SCAPER: variants seen among roughly 807,000 people sequenced by gnomAD.
The protein encoded by SCAPER is S phase cyclin A-associated protein in the endoplasmic reticulum.
A neutral mutation model predicts 182.2 loss-of-function variants in SCAPER; 98 were observed. The observed-to-expected ratio is 0.54, with a 90% CI of 0.46 to 0.64. The LOEUF is 0.64. Ranked by LOEUF, SCAPER falls within the 30% of genes least tolerant of loss-of-function variation. The pLI, the probability that SCAPER is intolerant of heterozygous loss-of-function variation, is 0.00. For synonymous variants in SCAPER, 605 were observed against 564.6 expected (o/e 1.07, Z -1.01); for missense variants, 1,432 against 1,690.0 (o/e 0.85, Z 2.68).
chr15:76,558,828 TAC>T (rs1006592953), intron 23 of SCAPER, among the ~76,000 whole-genome samples: 4 of 151,904 alleles, frequency 2.6e-5, no homozygotes, highest in African/African-American at 9.7e-5. Context: ...CACACATACA[TAC>T]ACACACACAC....
At chr15:76,751,365 C>T (rs886626766) in intron 15 of SCAPER, among the ~76,000 whole-genome samples, 14 of 151,694 alleles carry the variant, frequency 9.2e-5, no homozygotes, top group African/African-American at 3.4e-4. Flanking sequence ...TCTGCAGAAA[C>T]AGAAAAGTCC....
chr15:76,731,170 A>G (rs1436434906), intron 16 of SCAPER, among the ~76,000 whole-genome samples: 1 of 152,188 alleles, frequency 6.6e-6, no homozygotes, highest in Non-Finnish European at 1.5e-5. Flanking sequence ...ATATAGCCAC[A>G]AGGAAAGAAT....
intron 23 of SCAPER, among the ~76,000 whole-genome samples, chr15:76,516,366 AC>A (rs1354843340): frequency 2.0e-5 from 2 of 97,770 alleles, no homozygotes; most frequent in East Asian, 2.8e-4. Flanking sequence ...CCCTAGCACC[AC>A]CCCCCACCCC....
At chr15:76,669,720 C>T (rs964396126) in intron 20 of SCAPER, among the ~76,000 whole-genome samples, 1 of 152,172 alleles carries the variant, frequency 6.6e-6, no homozygotes, top group South Asian at 2.1e-4. Context: ...AAGATCAAAA[C>T]CACGACTGGC....
chr15:76,843,039 C>T (rs761536308), intron 4 of SCAPER, among the ~76,000 whole-genome samples: 6 of 152,150 alleles, frequency 3.9e-5, no homozygotes, highest in African/African-American at 4.8e-5. Flanking sequence ...TGAATCCAGA[C>T]GCTAATCTTA....
intron 24 of SCAPER, among the ~76,000 whole-genome samples, chr15:76,476,542 C>T (rs1430693372): frequency 6.6e-6 from 1 of 151,632 alleles, no homozygotes; most frequent in African/African-American, 2.4e-5. Flanking sequence ...GATGCTTCTA[C>T]CTCAGCCTCC....
intron 2 of SCAPER, among the ~76,000 whole-genome samples, chr15:76,870,835 A>G (rs2072669167): frequency 6.6e-6 from 1 of 152,192 alleles, no homozygotes; most frequent in Non-Finnish European, 1.5e-5. Context: ...AACTAACAAA[A>G]GATCATACCA....
intron 8 of SCAPER, among the ~76,000 whole-genome samples, chr15:76,793,815 A>G (rs1440449315): frequency 6.6e-6 from 1 of 152,248 alleles, no homozygotes; most frequent in African/African-American, 2.4e-5. Flanking sequence ...GCACAGGTAA[A>G]ATAACCTGAG....
chr15:76,900,093 T>C (rs2074687589), intron 1 of SCAPER, among the ~76,000 whole-genome samples: 1 of 152,014 alleles, frequency 6.6e-6, no homozygotes, highest in Non-Finnish European at 1.5e-5. Context: ...GTTAAATGGA[T>C]TAAGGGCGGC....
intron 24 of SCAPER, among the ~76,000 whole-genome samples, chr15:76,490,341 AG>A (rs938214613): frequency 3.0e-4 from 45 of 152,116 alleles, no homozygotes; most frequent in African/African-American, 1.0e-3. Flanking sequence ...AATGGGTGTG[AG>A]GTGCTATTTC....
At chr15:76,724,308 T>C (rs1402762100) in intron 17 of SCAPER, among the ~76,000 whole-genome samples, 3 of 152,234 alleles carry the variant, frequency 2.0e-5, no homozygotes, top group Non-Finnish European at 4.4e-5. Context: ...GTTAGTCTGA[T>C]GGGCTTCCCT....
At chr15:76,445,518 G>A (rs1330029653) in intron 25 of SCAPER, among the ~76,000 whole-genome samples, 1 of 152,184 alleles carries the variant, frequency 6.6e-6, no homozygotes, top group African/African-American at 2.4e-5. Context: ...ACTGTCAGCT[G>A]GGGGTGAAGG....
intron 17 of SCAPER, among the ~76,000 whole-genome samples, chr15:76,713,122 G>T (rs181902657): frequency 7.2e-5 from 11 of 152,192 alleles, no homozygotes; most frequent in African/African-American, 2.2e-4. Flanking sequence ...CATCAATACA[G>T]GAAACAACAG....
At chr15:76,592,000 C>T (rs1008729814) in intron 22 of SCAPER, among the ~76,000 whole-genome samples, 7 of 152,140 alleles carry the variant, frequency 4.6e-5, no homozygotes, top group African/African-American at 1.7e-4. Flanking sequence ...GCTGAGGCTG[C>T]AGTGAGCTGA....
At chr15:76,846,069 A>C (rs890753376) in intron 4 of SCAPER, among the ~76,000 whole-genome samples, 4 of 152,150 alleles carry the variant, frequency 2.6e-5, no homozygotes, top group Non-Finnish European at 4.4e-5. Flanking sequence ...TATTTTCAGC[A>C]AAGGTGCCAG....
intron 26 of SCAPER, among the ~76,000 whole-genome samples, chr15:76,423,826 C>T (rs1248584960): frequency 3.3e-5 from 5 of 152,138 alleles, no homozygotes; most frequent in Admixed American, 6.5e-5. Context: ...TTTGTCTTTG[C>T]TCTCATTGGT....
intron 3 of SCAPER, 56 bp downstream of exon 3, chr15:76,862,360 C>A: frequency 8.9e-7 from 1 of 1,125,844 alleles, no homozygotes; most frequent in South Asian, 1.4e-5. Flanking sequence ...CTCTTTAGGA[C>A]TAAATACACC....
Position 76,609,112 on chromosome 15 carries a change from C to T in SCAPER, c.2711+12652G>A, listed in dbSNP as rs548577259. Among the ~76,000 whole-genome samples the T allele has an allele frequency of 3.9e-5, 6 of 152,318 alleles. No homozygotes were observed. The South Asian group carries it at 6.2e-4, about 16-fold the overall frequency. On this transcript the variant is annotated intron_variant, in intron 22 of 31. Coordinates refer to ENST00000563290, the MANE Select transcript of SCAPER (RefSeq NM_020843.4). ...TGCAGAAATCATCCGTCTTCTGCGT[C>T]GCTCATGCTGGTAGCTGTAGACTGG...
intron 30 of SCAPER, among the ~76,000 whole-genome samples, chr15:76,352,855 A>G (rs1210662299): frequency 6.6e-6 from 1 of 152,250 alleles, no homozygotes; most frequent in Non-Finnish European, 1.5e-5. Flanking sequence ...TAAGATATTA[A>G]CTATAAGACA....
Sources: allele counts gnomAD v4.1 joint callset (sites outside exome capture counted in the v4.1 genomes callset), GRCh38; gene constraint gnomAD v4.1.1; transcripts MANE v1.5; gene names NCBI Gene and HGNC (gene_info 2026-07-23, HGNC 2026-07-21).